The following STXBP2 variants were observed in gnomAD, a reference collection of about 807,000 sequenced individuals.
STXBP2 encodes the protein syntaxin binding protein 2.
Under a neutral mutation model 72.2 loss-of-function variants are expected in STXBP2, and 47 were observed. The observed-to-expected ratio is 0.65, with a 90% CI of 0.51 to 0.83. The LOEUF (loss-of-function observed/expected upper bound fraction) is 0.83, where lower values mean the gene tolerates loss of function less well. Ranked by LOEUF, STXBP2 falls within the 40% of genes least tolerant of loss-of-function variation. STXBP2 has a pLI of 0.00. For synonymous variants in STXBP2, 367 were observed against 338.7 expected (o/e 1.08, Z -0.92); for missense variants, 702 against 807.6 (o/e 0.87, Z 1.58).
chr19:7,640,291 C>T (rs1303191721), intron 4 of STXBP2: 1 of 518,708 alleles, frequency 1.9e-6, no homozygotes, highest in Non-Finnish European at 3.6e-6. Flanking sequence ...CATCTGTGTG[C>T]ATGTGTCTAT....
the STXBP2 span, chr19:7,631,079 G>A: frequency 1.4e-6 from 1 of 735,838 alleles, no homozygotes; most frequent in Non-Finnish European, 2.2e-6. Flanking sequence ...ATGGTGGCAG[G>A]CGCCTATAAT....
chr19:7,633,012 C>T (rs2031395329), upstream of STXBP2: 3 of 1,432,196 alleles, frequency 2.1e-6, no homozygotes, highest in Non-Finnish European at 2.7e-6. Context: ...GTCTCCTTCC[C>T]AATCCCGGCC....
intron 4 of STXBP2, chr19:7,640,158 G>A: frequency 1.8e-6 from 1 of 559,094 alleles, no homozygotes; most frequent in Non-Finnish European, 3.4e-6. Context: ...GTGTGCATCT[G>A]TATGTGTGTG....
upstream of STXBP2, chr19:7,632,879 C>T (rs2031386183): frequency 6.5e-7 from 1 of 1,532,454 alleles, no homozygotes; most frequent in South Asian, 1.2e-5. The surrounding 1 kb of genome is among the most constrained non-coding windows in gnomAD (Gnocchi z 5.2). Context: ...TTGGGGGCCC[C>T]TCCCCAAACT....
chr19:7,643,408 C>G, intron 13 of STXBP2, 163 bp downstream of exon 13: 1 of 741,354 alleles, frequency 1.3e-6, no homozygotes, highest in Middle Eastern at 3.8e-4. Flanking sequence ...AGGAGTGGGT[C>G]TTGTGGAGAA....
upstream of STXBP2, chr19:7,636,325 G>A (rs1284002917): frequency 6.6e-6 from 1 of 152,194 alleles, no homozygotes; most frequent in Non-Finnish European, 1.5e-5. Flanking sequence ...TGCCTTCCAA[G>A]CGACAGGACA....
chr19:7,630,641 C>T, the STXBP2 span: 9 of 1,537,032 alleles, frequency 5.9e-6, no homozygotes, highest in Non-Finnish European at 7.8e-6. Flanking sequence ...GGTTTGAGGA[C>T]GATGTCATAC....
upstream of STXBP2, chr19:7,631,884 G>A (rs1482902120): frequency 3.0e-6 from 4 of 1,336,122 alleles, no homozygotes; most frequent in Admixed American, 2.8e-5. Context: ...AATGGAGAGA[G>A]GGTGCAGGTA....
chr19:7,632,772 C>A, upstream of STXBP2: 2 of 1,568,094 alleles, frequency 1.3e-6, no homozygotes, highest in East Asian at 4.7e-5. This position sits in a 1 kb window ranked among gnomAD's most constrained non-coding sequence, Gnocchi z 5.2. Flanking sequence ...TCCCTCCATC[C>A]GGTCGCCCTG....
At chr19:7,640,446 G>A in intron 4 of STXBP2, 1 of 656,244 alleles carries the variant, frequency 1.5e-6, no homozygotes, top group Non-Finnish European at 2.8e-6. Context: ...GTGTGCATGT[G>A]TGTATGTATG....
At chr19:7,641,573 G>A (rs1365206412) in intron 6 of STXBP2, 132 bp from the exon 7 acceptor site, 9 of 1,262,174 alleles carry the variant, frequency 7.1e-6, no homozygotes, top group Admixed American at 2.0e-5. Context: ...ACCTGGGCCT[G>A]CCTCCAATTC....
chr19:7,634,554 G>A (rs1180000163), upstream of STXBP2, among the ~76,000 whole-genome samples: 2 of 152,218 alleles, frequency 1.3e-5, no homozygotes, highest in Non-Finnish European at 2.9e-5. Flanking sequence ...TTTTTATATA[G>A]AGATGAGGTC....
At chr19:7,631,970 G>A, upstream of STXBP2, 1 of 708,708 alleles carries the variant, frequency 1.4e-6, no homozygotes, top group East Asian at 3.2e-5. Flanking sequence ...TGGCATTTGA[G>A]TGTGAGGTGG....
intron 13 of STXBP2, chr19:7,644,400 G>A: frequency 1.6e-6 from 1 of 620,766 alleles, no homozygotes; most frequent in East Asian, 2.8e-5. Context: ...TGTGTAGGTG[G>A]GTGGGGCACT....
At position 7,647,364 on chromosome 19, in the gene STXBP2, G is replaced by T. The variant is rs200026300; in HGVS notation, c.1549G>T (p.Gly517Cys). 1.9e-6 allele frequency: 3 copies of T among 1,613,282 alleles called. No homozygotes were observed. In the South Asian group the frequency reaches 3.3e-5, roughly 18 times the overall value. Reference sequence around the variant, plus strand: ...CCCTGCCCTGCACAGTGCCCGCTTCGGTCACTGGCACAAGAACAAGGCTGG... The same window carrying T: ...CCCTGCCCTGCACAGTGCCCGCTTCTGTCACTGGCACAAGAACAAGGCTGG... ...SSQAAVSARFGHWHKNKAGIE... is the reference protein window; with the variant it reads ...SSQAAVSARFCHWHKNKAGIE... The change falls in exon 18 of 19, where the codon GGT becomes TGT. Residue 517 changes from glycine to cysteine, a missense_variant. Transcript: ENST00000221283.
In STXBP2 at chr19:7,640,929, G is replaced by C. The variant is rs1250649701; in HGVS notation, c.355G>C (p.Gly119Arg). ...CCCCGAGCCCCTGTTCAGTGAGCTA[G>C]GCCGCTCTCGTCTGGCAAAGGTGGT... ...TCPEPLFSEL[G>R]RSRLAKVVKT... Residue 119 changes from glycine to arginine, a missense_variant, in exon 6 of 19, where the codon GGC (glycine) becomes CGC (arginine). Transcript: ENST00000221283. 1 of 1,614,226 alleles carries C rather than the reference G, an allele frequency of 6.2e-7. No homozygotes were observed. Among genetic ancestry groups the C allele is most frequent in the Admixed American group, 1.7e-5 (1 of 60,036 alleles).
rs746844169 is a variant in STXBP2, at chr19:7,639,893, TGTGTGCATGTGTATAC to T, written c.246+99_246+114del. Reference sequence around the variant, plus strand: ...GTATGTCTGCATGCATGTGATTGCATGTGTGCATGTGTATACGTGTGCATGTGTCCATGTGTATGTG... The same window carrying T: ...GTATGTCTGCATGCATGTGATTGCATGTGTGCATGTGTCCATGTGTATGTG... On this transcript the variant is annotated intron_variant, in intron 4 of 18. Coordinates refer to ENST00000221283, the MANE Select transcript of STXBP2 (RefSeq NM_006949.4). 6.4e-6 allele frequency: 9 copies of T among 1,398,598 alleles called. No individual in the cohort carries two copies. The South Asian group carries it at 7.3e-5, about 11-fold the overall frequency. The allele number at this position is 1,398,598 out of a possible 1,614,324, so 86.6% of individuals were successfully genotyped here.
At position 7,646,012 on chromosome 19, in the gene STXBP2, T is replaced by C. The variant is rs1483097642; in HGVS notation, c.1357-237T>C. The C allele has an allele frequency of 1.9e-5, 11 of 586,382 alleles. No individual in the cohort carries two copies. In the East Asian group the frequency reaches 2.2e-4, roughly 12 times the overall value. The allele number at this position is 586,382 out of a possible 1,614,324, so 36.3% of individuals were successfully genotyped here. On this transcript the variant is annotated intron_variant, in intron 15 of 18. Coordinates refer to ENST00000221283, the MANE Select transcript of STXBP2 (RefSeq NM_006949.4). ...TTATCTCTTTGCCTATCTCTGCCTCTGTCTTTGTCTTTCTCTGGCTCGCTC... is the reference window on the plus strand; with the variant it reads ...TTATCTCTTTGCCTATCTCTGCCTCCGTCTTTGTCTTTCTCTGGCTCGCTC...
the STXBP2 span, chr19:7,630,936 G>A: frequency 2.9e-5 from 43 of 1,469,248 alleles, no homozygotes; most frequent in Non-Finnish European, 3.8e-5. Context: ...TAGGCCAGGC[G>A]CAGTGGCTCA....
Sources: allele counts gnomAD v4.1 joint callset (sites outside exome capture counted in the v4.1 genomes callset), GRCh38; gene constraint gnomAD v4.1.1; non-coding constraint Gnocchi (gnomAD v3.1); transcripts MANE v1.5; gene names NCBI Gene and HGNC (gene_info 2026-07-23, HGNC 2026-07-21).